The following DCTD variants were observed in gnomAD, a reference collection of about 807,000 sequenced individuals.
DCTD encodes the protein deoxycytidylate deaminase.
In DCTD, 23 loss-of-function variants were observed where a neutral mutation model predicts 21.0. That is an observed-to-expected ratio of 1.09 (90% CI 0.79 to 1.55). The LOEUF (loss-of-function observed/expected upper bound fraction) is 1.55. Among genes scored for constraint, DCTD ranks in the 40% most tolerant of loss-of-function variants. The pLI, the probability that DCTD is intolerant of heterozygous loss-of-function variation, is 0.00. For synonymous variants in DCTD, 71 were observed against 81.1 expected, an observed-to-expected ratio of 0.88 and a Z score of 0.67; for missense variants, 224 against 230.0, an observed-to-expected ratio of 0.97 and a Z score of 0.17.
rs1024713198 is a variant in DCTD, at chr4:182,891,036, C to T, written c.*363G>A. Reference sequence around the variant, plus strand: ...CACAATTATTTATTTGTCCTTCCAGCACATGTAGCAGTGAAGAGAGGCTGC... The same window carrying T: ...CACAATTATTTATTTGTCCTTCCAGTACATGTAGCAGTGAAGAGAGGCTGC... On this transcript the variant is annotated 3_prime_UTR_variant, in exon 6 of 6. Coordinates refer to ENST00000438320, the MANE Select transcript of DCTD (RefSeq NM_001921.3). The T allele has an allele frequency of 2.0e-5, 4 of 203,836 alleles. No individual in the cohort carries two copies. Among genetic ancestry groups the T allele is most frequent in the Non-Finnish European group, 4.0e-5 (4 of 100,732 alleles). The allele number at this position is 203,836 out of a possible 1,614,324, so 12.6% of individuals were successfully genotyped here.
intron 4 of DCTD, among the ~76,000 whole-genome samples, chr4:182,893,724 C>G (rs1734226103): frequency 6.6e-6 from 1 of 152,268 alleles, no homozygotes; most frequent in Non-Finnish European, 1.5e-5. Context: ...AGGCCTGCCA[C>G]CGCCTCCACA....
chr4:182,901,950 C>T (rs1466349312), intron 3 of DCTD, among the ~76,000 whole-genome samples: 2 of 152,130 alleles, frequency 1.3e-5, no homozygotes, highest in Non-Finnish European at 2.9e-5. Context: ...ACCTGCACCC[C>T]TGCCCCGGCC....
chr4:182,902,207 C>A (rs950668079), intron 3 of DCTD, among the ~76,000 whole-genome samples: 7 of 152,216 alleles, frequency 4.6e-5, no homozygotes, highest in Non-Finnish European at 8.8e-5. Context: ...AAGCCCCCCA[C>A]AACCCCCACC....
At chr4:182,898,688 T>G (rs890417213) in intron 3 of DCTD, among the ~76,000 whole-genome samples, 9 of 152,174 alleles carry the variant, frequency 5.9e-5, no homozygotes, top group African/African-American at 2.2e-4. Flanking sequence ...GCATGCATAC[T>G]TAGTCCTTAG....
At position 182,917,117 on chromosome 4, in the gene DCTD, G is replaced by A. The variant is rs1168711073; in HGVS notation, c.-8+194C>T. The A allele has an allele frequency of 3.0e-5, 30 of 987,394 alleles. No homozygotes were observed. The highest frequency in any genetic ancestry group is 3.4e-5 in the Non-Finnish European group (28 of 831,680). 61.2% of individuals were successfully genotyped at this position (987,394 alleles called of 1,614,324 possible). A position where few individuals can be genotyped will look rare whatever the true frequency, so the allele number is the denominator to read the frequency against. On this transcript the variant is annotated intron_variant, in intron 1 of 5. Coordinates refer to ENST00000438320, the MANE Select transcript of DCTD (RefSeq NM_001921.3). The surrounding 1 kb of genome is among the most constrained non-coding windows in gnomAD (Gnocchi z 4.9). ...GAGAAATCGACCCTGGAGTGACTGC[G>A]GGGACCCCGAGCGCCCCCACCCCGC...
At chr4:182,916,768 C>A in intron 1 of DCTD, 3 of 1,121,362 alleles carry the variant, frequency 2.7e-6, no homozygotes, top group Admixed American at 3.7e-5. Flanking sequence ...GAGGGAAGAG[C>A]AGGAGAGGGA....
chr4:182,915,525 C>T lies in DCTD; in HGVS notation c.44G>A (p.Trp15Ter), dbSNP rs1430721035. ...GGCCACAGCCATAAAATACTCTGGC[C>T]ATTCCAAATAGTCGTCCCGTTTCTT... ...SCKKRDDYLE[W>*]PEYFMAVAFL... The change falls in exon 2 of 6, where the codon TGG (tryptophan) becomes TAG (stop). Residue 15 changes from tryptophan (W) to a stop codon, truncating the protein, a stop_gained. Transcript: ENST00000438320. LOFTEE classifies it high-confidence loss of function. 6.2e-7 allele frequency: 1 copy of T among 1,613,842 alleles called. No individual in the cohort carries two copies. The highest frequency in any genetic ancestry group is 2.2e-5 in the East Asian group (1 of 44,894).
chr4:182,908,533 T>A (rs951621661), intron 3 of DCTD, among the ~76,000 whole-genome samples: 1 of 151,684 alleles, frequency 6.6e-6, no homozygotes, highest in Admixed American at 6.6e-5. Context: ...AATACAAAAA[T>A]TAACCAGGCG....
intron 3 of DCTD, among the ~76,000 whole-genome samples, chr4:182,902,515 T>C (rs537324893): frequency 7.2e-5 from 11 of 152,342 alleles, no homozygotes; most frequent in African/African-American, 2.6e-4. Flanking sequence ...GCTAAGGCCC[T>C]GTCTTCCTCC....
At chr4:182,909,268 G>A (rs946820794) in intron 3 of DCTD, among the ~76,000 whole-genome samples, 9 of 152,264 alleles carry the variant, frequency 5.9e-5, no homozygotes, top group African/African-American at 1.9e-4. Context: ...CTTACATGGA[G>A]CTGGTTGATT....
intron 3 of DCTD, among the ~76,000 whole-genome samples, chr4:182,898,738 T>C (rs1039479856): frequency 2.0e-5 from 3 of 152,218 alleles, no homozygotes; most frequent in Non-Finnish European, 4.4e-5. Flanking sequence ...GGATTCTTTT[T>C]TTCCTCCTTT....
chr4:182,916,694 A>G (rs1380262100), intron 1 of DCTD: 6 of 1,023,106 alleles, frequency 5.9e-6, no homozygotes, highest in Non-Finnish European at 7.1e-6. Flanking sequence ...GCCAGCATCC[A>G]TCATCGCTGT....
rs1220662003 is a variant in DCTD at position 182,917,061 on chromosome 4, G to A, written c.-8+250C>T. ...ACCACCTCCCGGGGCACTCCAAGGGGCCCGGCCTCGCACAGGCCGCGGCGC... is the reference window on the plus strand; with the variant it reads ...ACCACCTCCCGGGGCACTCCAAGGGACCCGGCCTCGCACAGGCCGCGGCGC... On this transcript the variant is annotated intron_variant, in intron 1 of 5. Coordinates refer to ENST00000438320, the MANE Select transcript of DCTD (RefSeq NM_001921.3). The surrounding 1 kb of genome is among the most constrained non-coding windows in gnomAD (Gnocchi z 4.9). The A allele has an allele frequency of 4.1e-6, 4 of 986,816 alleles. No homozygotes were observed. Among genetic ancestry groups the A allele is most frequent in the Non-Finnish European group, 4.8e-6 (4 of 831,070 alleles). The allele number at this position is 986,816 out of a possible 1,614,324, so 61.1% of individuals were successfully genotyped here.
At chr4:182,916,485 T>A in intron 1 of DCTD, 2 of 985,624 alleles carry the variant, frequency 2.0e-6, no homozygotes, top group Non-Finnish European at 2.4e-6. Context: ...CCAAAACTTC[T>A]GCTTCAGGCT....
Position 182,917,125 on chromosome 4 carries a change from C to G in DCTD, c.-8+186G>C, listed in dbSNP as rs1028001105. The G allele has an allele frequency of 5.3e-5, 52 of 987,694 alleles. No homozygotes were observed. The African/African-American group carries it at 8.7e-4, about 17-fold the overall frequency. The allele number at this position is 987,694 out of a possible 1,614,324, so 61.2% of individuals were successfully genotyped here. A position where few individuals can be genotyped will look rare whatever the true frequency, so the allele number is the denominator to read the frequency against. On this transcript the variant is annotated intron_variant, in intron 1 of 5. Coordinates refer to ENST00000438320, the MANE Select transcript of DCTD (RefSeq NM_001921.3). This position sits in a 1 kb window ranked among gnomAD's most constrained non-coding sequence, Gnocchi z 4.9. Reference sequence around the variant, plus strand: ...GACCCTGGAGTGACTGCGGGGACCCCGAGCGCCCCCACCCCGCCCGCATTC... The same window carrying G: ...GACCCTGGAGTGACTGCGGGGACCCGGAGCGCCCCCACCCCGCCCGCATTC...
chr4:182,899,404 T>C (rs1053326432), intron 3 of DCTD, among the ~76,000 whole-genome samples: 1 of 150,634 alleles, frequency 6.6e-6, no homozygotes, highest in Non-Finnish European at 1.5e-5. Context: ...TTTTTCTTTT[T>C]CTTTTTTTTT....
At position 182,915,539 on chromosome 4, in the gene DCTD, G is replaced by T; in HGVS notation, c.30C>A (p.Asp10Glu). ...AATACTCTGGCCATTCCAAATAGTC[G>T]TCCCGTTTCTTGCAGGAAACTTCAC... MSEVSCKKRDDYLEWPEYFM... is the reference protein window; with the variant it reads MSEVSCKKREDYLEWPEYFM... The change falls in exon 2 of 6, where the codon GAC (aspartate) becomes GAA (glutamate). Residue 10 changes from aspartate (D) to glutamate (E), a missense_variant. By Grantham distance (45) the Asp-to-Glu change is conservative. Coordinates refer to ENST00000438320, the MANE Select transcript of DCTD (RefSeq NM_001921.3). 6.2e-7 allele frequency: 1 copy of T among 1,613,310 alleles called. No homozygotes were observed. Among genetic ancestry groups the T allele is most frequent in the Non-Finnish European group, 8.5e-7 (1 of 1,179,272 alleles).
chr4:182,910,737 G>A lies in DCTD; in HGVS notation c.244+4186C>T, dbSNP rs73869889. Among the ~76,000 whole-genome samples the A allele has an allele frequency of 5.7e-3, 860 of 152,174 alleles. 9 individuals are homozygous for A. The highest frequency in any genetic ancestry group is 0.02 in the African/African-American group (828 of 41,504). ...GGAATAAAAAGCTTCTTTAGCAGAG[G>A]GAATTTTCATTTTCCACATTAATAC... is the stretch of plus-strand genomic sequence containing the variant. On this transcript the variant is annotated intron_variant, in intron 3 of 5. Coordinates refer to ENST00000438320, the MANE Select transcript of DCTD (RefSeq NM_001921.3).
chr4:182,914,817 C>T, intron 3 of DCTD, 106 bp downstream of exon 3: 4 of 1,317,250 alleles, frequency 3.0e-6, no homozygotes, highest in Non-Finnish European at 3.2e-6. Flanking sequence ...CTTTTCTTTC[C>T]AGTTGTTGAT....
Sources: gnomAD v4.1 joint callset for allele counts (sites outside exome capture counted in the v4.1 genomes callset) on GRCh38, gnomAD v4.1.1 for gene constraint, Gnocchi (gnomAD v3.1) non-coding constraint, MANE v1.5 for transcripts, NCBI Gene and HGNC (gene_info 2026-07-23, HGNC 2026-07-21) for gene names.